The following MEIKIN variants were observed in gnomAD, a reference collection of about 807,000 sequenced individuals.
The protein encoded by MEIKIN is meiotic kinetochore factor.
chr5:131,885,291 C>T (rs940714862), intron 8 of MEIKIN, among the ~76,000 whole-genome samples: 3 of 148,532 alleles, frequency 2.0e-5, no homozygotes, highest in Admixed American at 6.9e-5. Context: ...TTGGAGGCCA[C>T]AGAGGTGCTT....
intron 11 of MEIKIN, among the ~76,000 whole-genome samples, chr5:131,831,945 G>A (rs553217400): frequency 6.6e-6 from 1 of 152,232 alleles, no homozygotes; most frequent in African/African-American, 2.4e-5. Flanking sequence ...CAACACATGG[G>A]AATTCTGGGA....
intron 11 of MEIKIN, among the ~76,000 whole-genome samples, chr5:131,841,660 G>A (rs763175572): frequency 2.0e-5 from 3 of 152,086 alleles, no homozygotes; most frequent in Non-Finnish European, 2.9e-5. Flanking sequence ...TGATTGTAAC[G>A]AATCTGTAGA....
intron 5 of MEIKIN, among the ~76,000 whole-genome samples, chr5:131,933,237 A>G (rs1751718494): frequency 6.6e-6 from 1 of 152,254 alleles, no homozygotes; most frequent in Non-Finnish European, 1.5e-5. Flanking sequence ...GAGAACAAGT[A>G]TACATTCATT....
chr5:131,821,630 CTTTTTTTT>C (rs375765946), intron 11 of MEIKIN, among the ~76,000 whole-genome samples: 1 of 50,442 alleles, frequency 2.0e-5, no homozygotes, highest in African/African-American at 1.2e-4. Context: ...TGAGGTCTGC[CTTTTTTTT>C]TTTTTTTTTT....
intron 5 of MEIKIN, among the ~76,000 whole-genome samples, chr5:131,923,193 A>C (rs1181378445): frequency 6.6e-6 from 1 of 152,112 alleles, no homozygotes; most frequent in Non-Finnish European, 1.5e-5. Context: ...TGGTCCCTCT[A>C]TATTTTTAAA....
intron 5 of MEIKIN, among the ~76,000 whole-genome samples, chr5:131,930,192 T>C (rs1751664104): frequency 6.6e-6 from 1 of 152,172 alleles, no homozygotes; most frequent in African/African-American, 2.4e-5. Flanking sequence ...CACAAACACA[T>C]TATTTTTTGA....
chr5:131,878,504 T>C (rs1014876859), intron 9 of MEIKIN, among the ~76,000 whole-genome samples: 3 of 151,954 alleles, frequency 2.0e-5, no homozygotes, highest in African/African-American at 7.3e-5. Flanking sequence ...GAGGCAGAGC[T>C]TGCAGTGAGC....
chr5:131,886,298 T>C (rs923070797), intron 8 of MEIKIN, among the ~76,000 whole-genome samples: 2 of 152,064 alleles, frequency 1.3e-5, no homozygotes, highest in African/African-American at 4.8e-5. Flanking sequence ...AAGATATCAA[T>C]ATCAAGTACA....
In MEIKIN at chr5:131,838,255, C is replaced by T. The variant is rs139548567; in HGVS notation, c.975+13009G>A. On this transcript the variant is annotated intron_variant, in intron 11 of 12. Transcript: ENST00000442687. ...GATATGCTGCTGGAATTCAGTTTGC[C>T]CATATTTTGTTGAGGATTTTTGCAT... 1.6e-3 allele frequency among the ~76,000 whole-genome samples: 244 copies of T among 152,030 alleles called. 1 individual carries two copies. The highest frequency in any genetic ancestry group is 5.7e-3 in the African/African-American group (235 of 41,478).
At chr5:131,885,075 C>G (rs1402633230) in intron 8 of MEIKIN, among the ~76,000 whole-genome samples, 1 of 152,176 alleles carries the variant, frequency 6.6e-6, no homozygotes, top group Non-Finnish European at 1.5e-5. Context: ...TGGACAGCCA[C>G]TCTGGACCTG....
At chr5:131,936,825 C>T (rs972582462) in intron 4 of MEIKIN, among the ~76,000 whole-genome samples, 4 of 152,134 alleles carry the variant, frequency 2.6e-5, no homozygotes, top group African/African-American at 9.7e-5. Context: ...CCCACCTTGG[C>T]CTCCCATAGT....
Position 131,815,082 on chromosome 5 carries a change from A to C in MEIKIN, c.1099+3658T>G, listed in dbSNP as rs549412869. On this transcript the variant is annotated intron_variant, in intron 12 of 12. Coordinates refer to ENST00000442687, the MANE Select transcript of MEIKIN (RefSeq NM_001303622.2). The stretch of plus-strand genomic sequence containing the variant: ...GCCTTCCTCATACAAAATTCTGCCA[A>C]AATTGTCATCCATGGTCTCATGGAA... Among the ~76,000 whole-genome samples, 10 of 151,862 alleles carry C rather than the reference A, an allele frequency of 6.6e-5. No individual in the cohort carries two copies. The South Asian group carries it at 2.1e-3, about 32-fold the overall frequency.
At chr5:131,889,547 T>C (rs1231823309) in intron 8 of MEIKIN, among the ~76,000 whole-genome samples, 1 of 152,240 alleles carries the variant, frequency 6.6e-6, no homozygotes, top group Non-Finnish European at 1.5e-5. Context: ...CTTGTGATTT[T>C]TGCACATTAA....
intron 11 of MEIKIN, among the ~76,000 whole-genome samples, chr5:131,820,065 G>A (rs1255116423): frequency 8.5e-6 from 1 of 117,676 alleles, no homozygotes; most frequent in African/African-American, 3.4e-5. Flanking sequence ...GTGAGCCACC[G>A]CGCCCGGCCT....
chr5:131,860,050 C>T (rs1217592799), intron 9 of MEIKIN, among the ~76,000 whole-genome samples: 1 of 152,034 alleles, frequency 6.6e-6, no homozygotes, highest in East Asian at 1.9e-4. Flanking sequence ...TTTTTGGTTC[C>T]ATATGAATTT....
In MEIKIN at chr5:131,891,035, G is replaced by C. The variant is rs186782970; in HGVS notation, c.704-11987C>G. Reference sequence around the variant, plus strand: ...CATGTAGTTGAGCGGTTTTGAGTGAGTTTCTTAACCCTGAGTTCTAGTTTG... The same window carrying C: ...CATGTAGTTGAGCGGTTTTGAGTGACTTTCTTAACCCTGAGTTCTAGTTTG... On this transcript the variant is annotated intron_variant, in intron 8 of 12. Transcript: ENST00000442687. Among the ~76,000 whole-genome samples the C allele has an allele frequency of 2.5e-3, 379 of 152,326 alleles. 1 individual carries two copies. The highest frequency in any genetic ancestry group is 3.2e-3 in the Non-Finnish European group (215 of 68,030).
intron 2 of MEIKIN, 50 bp downstream of exon 2, chr5:131,945,106 G>A: frequency 7.5e-6 from 3 of 399,124 alleles, no homozygotes; most frequent in Non-Finnish European, 1.3e-5. Context: ...TCGGCTTGAA[G>A]TTTTCTGAGG....
At chr5:131,900,242 T>A (rs1449985395) in intron 8 of MEIKIN, among the ~76,000 whole-genome samples, 1 of 152,116 alleles carries the variant, frequency 6.6e-6, no homozygotes, top group Non-Finnish European at 1.5e-5. Context: ...GCTGAGGGAA[T>A]GGGACATTGG....
In MEIKIN at chr5:131,921,678, T is replaced by G. The variant is rs151074506; in HGVS notation, c.598+144A>C. 292 of 380,340 alleles carry G rather than the reference T, an allele frequency of 7.7e-4. 1 individual carries two copies. Among genetic ancestry groups the G allele is most frequent in the African/African-American group, 5.7e-3 (273 of 48,178 alleles). The allele number at this position is 380,340 out of a possible 1,614,324, so 23.6% of individuals were successfully genotyped here. On this transcript the variant is annotated intron_variant, in intron 6 of 12. Transcript: ENST00000442687. ...TCTCAAAATAAATAAAAAAGTAAAC[T>G]CATACATACTTATGCTATTATTAGA... is the stretch of plus-strand genomic sequence containing the variant.
Sources: gnomAD v4.1 joint callset for allele counts (sites outside exome capture counted in the v4.1 genomes callset) on GRCh38, gnomAD v4.1.1 for gene constraint, MANE v1.5 for transcripts, NCBI Gene and HGNC (gene_info 2026-07-23, HGNC 2026-07-21) for gene names.